Variants in MAGI1 observed in about 807,000 individuals in gnomAD.
The protein encoded by MAGI1 is membrane-associated guanylate kinase, WW and PDZ domain-containing protein 1.
Under a neutral mutation model 139.9 loss-of-function variants are expected in MAGI1, and 58 were observed. The ratio of observed to expected loss-of-function variants is 0.41; its 90% CI spans 0.34 to 0.52. The LOEUF (loss-of-function observed/expected upper bound fraction) is 0.52. Among genes scored for constraint, MAGI1 ranks in the 20% least tolerant of loss-of-function variants. The pLI, the probability that MAGI1 is intolerant of heterozygous loss-of-function variation, is 0.12. For synonymous variants in MAGI1, 812 were observed against 737.9 expected (o/e 1.10, Z -1.63); for missense variants, 1,874 against 1,901.6 (o/e 0.99, Z 0.27).
At chr3:65,957,333 G>C (rs1576254118) in intron 1 of MAGI1, among the ~76,000 whole-genome samples, 1 of 125,530 alleles carries the variant, frequency 8.0e-6, no homozygotes, top group African/African-American at 3.3e-5. Context: ...GGATAACATG[G>C]CAAAACCCTG....
intron 1 of MAGI1, among the ~76,000 whole-genome samples, chr3:65,857,873 AG>A (rs921487058): frequency 2.6e-5 from 4 of 152,210 alleles, no homozygotes; most frequent in African/African-American, 9.6e-5. Flanking sequence ...GAAGGCAAGA[AG>A]GGGGGGAACA....
chr3:65,466,130 T>C (rs926100680), intron 5 of MAGI1, among the ~76,000 whole-genome samples: 16 of 152,350 alleles, frequency 1.1e-4, no homozygotes, highest in African/African-American at 3.8e-4. Context: ...TGAAACATTC[T>C]AATTTTCTAC....
intron 21 of MAGI1, among the ~76,000 whole-genome samples, chr3:65,363,048 G>GCCAGCTA (rs1941046015): frequency 2.0e-5 from 3 of 152,098 alleles, no homozygotes; most frequent in African/African-American, 7.2e-5. Flanking sequence ...ACCAGCTAGA[G>GCCAGCTA]GATAAGTAGA....
intron 1 of MAGI1, among the ~76,000 whole-genome samples, chr3:65,649,915 G>A (rs1312049774): frequency 6.6e-6 from 1 of 152,158 alleles, no homozygotes; most frequent in Non-Finnish European, 1.5e-5. Context: ...ATGTTAAAAT[G>A]ATATAGGCAC....
intron 1 of MAGI1, among the ~76,000 whole-genome samples, chr3:65,772,325 G>A (rs760353903): frequency 6.6e-6 from 1 of 152,134 alleles, no homozygotes; most frequent in Non-Finnish European, 1.5e-5. Flanking sequence ...TGTTAACATT[G>A]TCAGACCATA....
rs192386624 is a variant in MAGI1 at position 65,823,460 on chromosome 3, C to T, written c.314-201372G>A. Among the ~76,000 whole-genome samples the T allele has an allele frequency of 1.6e-3, 239 of 152,292 alleles. 1 individual carries two copies. Among genetic ancestry groups the T allele is most frequent in the Admixed American group, 5.4e-3 (83 of 15,286 alleles). Reference sequence around the variant, plus strand: ...AATATTTGTTAAATGAAAGAGAGAACATTTCTTATTCATTCCACTAGTCCA... The same window carrying T: ...AATATTTGTTAAATGAAAGAGAGAATATTTCTTATTCATTCCACTAGTCCA... On this transcript the variant is annotated intron_variant, in intron 1 of 22. Coordinates refer to ENST00000402939, the MANE Select transcript of MAGI1 (RefSeq NM_001033057.2).
At chr3:65,547,597 A>C (rs1172379771) in intron 2 of MAGI1, among the ~76,000 whole-genome samples, 2 of 152,142 alleles carry the variant, frequency 1.3e-5, no homozygotes, top group Admixed American at 6.5e-5. Context: ...GCAGGGTTAA[A>C]AGCAGGAGCT....
At chr3:65,936,420 C>G (rs1055452525) in intron 1 of MAGI1, among the ~76,000 whole-genome samples, 5 of 152,008 alleles carry the variant, frequency 3.3e-5, no homozygotes, top group African/African-American at 9.7e-5. Flanking sequence ...TACCGATCAC[C>G]TGAGGGCAGG....
intron 1 of MAGI1, among the ~76,000 whole-genome samples, chr3:65,775,598 C>T (rs977233854): frequency 6.8e-6 from 1 of 146,090 alleles, no homozygotes; most frequent in East Asian, 2.0e-4. Flanking sequence ...TTACATACAC[C>T]AAAGTATTAA....
intron 1 of MAGI1, among the ~76,000 whole-genome samples, chr3:65,918,332 G>A (rs2062005385): frequency 6.6e-6 from 1 of 151,390 alleles, no homozygotes; most frequent in African/African-American, 2.4e-5. Flanking sequence ...AAAAATCTGG[G>A]GTTGGGAACA....
intron 3 of MAGI1, among the ~76,000 whole-genome samples, chr3:65,489,506 G>A (rs1409633943): frequency 6.6e-6 from 1 of 152,096 alleles, no homozygotes; most frequent in Non-Finnish European, 1.5e-5. Flanking sequence ...ACAGAAGGGG[G>A]AGGTGAGGCA....
chr3:65,584,760 C>T (rs1323243867), intron 2 of MAGI1, among the ~76,000 whole-genome samples: 1 of 152,128 alleles, frequency 6.6e-6, no homozygotes, highest in African/African-American at 2.4e-5. Flanking sequence ...AGGATAGTGC[C>T]TCGCAAAACT....
chr3:65,605,009 GA>G (rs2082666686), intron 2 of MAGI1, among the ~76,000 whole-genome samples: 1 of 152,170 alleles, frequency 6.6e-6, no homozygotes, highest in Non-Finnish European at 1.5e-5. Context: ...TGTTATGCCT[GA>G]AAATGACTCA....
intron 3 of MAGI1, 66 bp from the exon 4 acceptor site, chr3:65,478,864 C>G (rs1022574785): frequency 2.5e-6 from 3 of 1,223,036 alleles, no homozygotes; most frequent in Non-Finnish European, 2.4e-6. Context: ...TTTAAGACTT[C>G]ACATCCAAAT....
At chr3:65,613,563 A>C (rs1172817458) in intron 2 of MAGI1, among the ~76,000 whole-genome samples, 1 of 152,142 alleles carries the variant, frequency 6.6e-6, no homozygotes, top group Non-Finnish European at 1.5e-5. Context: ...TTACGTTTGT[A>C]ATTTTTTTCC....
chr3:65,944,548 T>C (rs2106874689), intron 1 of MAGI1, among the ~76,000 whole-genome samples: 1 of 152,016 alleles, frequency 6.6e-6, no homozygotes, highest in South Asian at 2.1e-4. Flanking sequence ...GCTATTTAAA[T>C]GCTAATAGCT....
intron 2 of MAGI1, among the ~76,000 whole-genome samples, chr3:65,603,560 G>A (rs926329014): frequency 1.3e-5 from 2 of 152,310 alleles, no homozygotes; most frequent in East Asian, 1.9e-4. Flanking sequence ...TACTGCCATC[G>A]AACAGAAAGT....
At chr3:65,561,913 G>A (rs1177654069) in intron 2 of MAGI1, among the ~76,000 whole-genome samples, 3 of 152,044 alleles carry the variant, frequency 2.0e-5, no homozygotes, top group East Asian at 3.9e-4. Context: ...AGATACTCTC[G>A]TTCAACCACA....
chr3:65,702,061 C>T (rs1201348962), intron 1 of MAGI1, among the ~76,000 whole-genome samples: 2 of 152,082 alleles, frequency 1.3e-5, no homozygotes, highest in Admixed American at 1.3e-4. Flanking sequence ...TGGCTCAGCA[C>T]TCTAGATGGA....
Sources: allele counts gnomAD v4.1 joint callset (sites outside exome capture counted in the v4.1 genomes callset), GRCh38; gene constraint gnomAD v4.1.1; transcripts MANE v1.5; gene names NCBI Gene and HGNC (gene_info 2026-07-23, HGNC 2026-07-21).